Variants in SPIDR observed in about 807,000 individuals in gnomAD.
SPIDR encodes DNA repair-scaffolding protein.
In SPIDR, 93 loss-of-function variants were observed where a neutral mutation model predicts 104.6. That is an observed-to-expected ratio of 0.89 (90% CI 0.75 to 1.06). The LOEUF (loss-of-function observed/expected upper bound fraction) is 1.06, where lower values mean the gene tolerates loss of function less well. Among genes scored for constraint, SPIDR ranks in the 50% least tolerant of loss-of-function variants. SPIDR has a pLI of 0.00. For synonymous variants in SPIDR, 431 were observed against 416.9 expected (o/e 1.03, Z -0.41); for missense variants, 1,154 against 1,111.2 (o/e 1.04, Z -0.55).
rs1451377653 is a variant in SPIDR at position 47,318,811 on chromosome 8, T to G, written c.525+24781T>G. ...TATTCAACATTCTTAAAGACAAGAA[T>G]TTTCAACCCAGAATTTCATATCCAG... is the stretch of plus-strand genomic sequence containing the variant. On this transcript the variant is annotated intron_variant, in intron 5 of 19. Transcript: ENST00000297423. Among the ~76,000 whole-genome samples, 4 of 142,424 alleles carry G rather than the reference T, an allele frequency of 2.8e-5. No homozygotes were observed. In the East Asian group the frequency reaches 8.4e-4, roughly 30 times the overall value. The allele number at this position is 142,424 out of a possible 152,430, so 93.4% of individuals were successfully genotyped here.
intron 5 of SPIDR, among the ~76,000 whole-genome samples, chr8:47,355,195 G>T (rs1554624987): frequency 6.7e-6 from 1 of 150,020 alleles, no homozygotes; most frequent in African/African-American, 2.5e-5. Flanking sequence ...GCCTCAGGTG[G>T]TCCACCCACC....
intron 5 of SPIDR, among the ~76,000 whole-genome samples, chr8:47,334,322 A>G (rs903477710): frequency 5.3e-5 from 8 of 152,310 alleles, no homozygotes; most frequent in African/African-American, 1.9e-4. Context: ...ATATATCTTT[A>G]TGGATTTTCT....
At position 47,402,920 on chromosome 8, in the gene SPIDR, A is replaced by G. The variant is rs369305403; in HGVS notation, c.777-4941A>G. 4.6e-5 allele frequency among the ~76,000 whole-genome samples: 7 copies of G among 152,216 alleles called. No homozygotes were observed. The East Asian group carries it at 1.2e-3, about 25-fold the overall frequency. On this transcript the variant is annotated intron_variant, in intron 6 of 19. Transcript: ENST00000297423. ...AACAAAAAAAGACAATTTTAGACCA[A>G]TATCTCTGATGAACATCAATGCAAA...
At chr8:47,594,394 C>T (rs1244724020) in intron 8 of SPIDR, among the ~76,000 whole-genome samples, 1 of 151,460 alleles carries the variant, frequency 6.6e-6, no homozygotes, top group Non-Finnish European at 1.5e-5. Context: ...AAAGAAAGCT[C>T]CTTGGCCCAC....
At chr8:47,422,090 C>G (rs1427118852) in intron 7 of SPIDR, among the ~76,000 whole-genome samples, 2 of 152,202 alleles carry the variant, frequency 1.3e-5, no homozygotes, top group East Asian at 1.9e-4. Context: ...TGTCCGTTCT[C>G]AGATCTCCAG....
intron 10 of SPIDR, among the ~76,000 whole-genome samples, chr8:47,669,520 G>A (rs540604311): frequency 2.0e-5 from 3 of 152,288 alleles, no homozygotes; most frequent in African/African-American, 7.2e-5. Context: ...CTCGTCTCTA[G>A]GGCAAAAGAA....
At chr8:47,721,433 A>G (rs1016857963) in intron 16 of SPIDR, among the ~76,000 whole-genome samples, 4 of 149,674 alleles carry the variant, frequency 2.7e-5, no homozygotes, top group South Asian at 2.1e-4. Context: ...CCCTTGATCT[A>G]TTTGTTCTTT....
intron 8 of SPIDR, among the ~76,000 whole-genome samples, chr8:47,451,939 C>A (rs1477432490): frequency 6.6e-6 from 1 of 152,122 alleles, no homozygotes; most frequent in Non-Finnish European, 1.5e-5. Context: ...CAATCTGAAC[C>A]AGGATTGTGG....
rs1483700369 is a variant in SPIDR at position 47,312,580 on chromosome 8, T to A, written c.525+18550T>A. Among the ~76,000 whole-genome samples, 3 of 152,320 alleles carry A rather than the reference T, an allele frequency of 2.0e-5. No individual in the cohort carries two copies. The East Asian group carries it at 5.8e-4, about 29-fold the overall frequency. On this transcript the variant is annotated intron_variant, in intron 5 of 19. Coordinates refer to ENST00000297423, the MANE Select transcript of SPIDR (RefSeq NM_001080394.4). Reference sequence around the variant, plus strand: ...TTTGATGGGGTTGTTTGTTTTTTTCTTGTAAATTTGTTTGAGTTCATTGTA... The same window carrying A: ...TTTGATGGGGTTGTTTGTTTTTTTCATGTAAATTTGTTTGAGTTCATTGTA...
chr8:47,692,690 G>A (rs184363937), intron 11 of SPIDR, among the ~76,000 whole-genome samples: 143 of 151,568 alleles, frequency 9.4e-4, no homozygotes, highest in African/African-American at 3.4e-3. Context: ...TCCGGTGACC[G>A]ACCTGCCTCA....
intron 5 of SPIDR, among the ~76,000 whole-genome samples, chr8:47,384,376 A>C (rs1281848843): frequency 1.3e-5 from 2 of 152,234 alleles, no homozygotes; most frequent in Non-Finnish European, 2.9e-5. Context: ...CTTTTGTGTT[A>C]CGTAAGACTG....
chr8:47,650,309 A>G (rs2071382376), intron 10 of SPIDR, among the ~76,000 whole-genome samples: 1 of 152,192 alleles, frequency 6.6e-6, no homozygotes, highest in Non-Finnish European at 1.5e-5. Context: ...ATACACCAAC[A>G]ATGACCAAGC....
intron 1 of SPIDR, among the ~76,000 whole-genome samples, chr8:47,268,598 C>T (rs2034582852): frequency 6.6e-6 from 1 of 152,216 alleles, no homozygotes; most frequent in Admixed American, 6.5e-5. Context: ...TCTACTGGCA[C>T]ATGCTGCTGC....
intron 18 of SPIDR, 28 bp downstream of exon 18, chr8:47,729,075 A>T: frequency 6.2e-7 from 1 of 1,611,186 alleles, no homozygotes; most frequent in Non-Finnish European, 8.5e-7. Flanking sequence ...GCACGCACGC[A>T]CTCCTAGCTC....
intron 8 of SPIDR, among the ~76,000 whole-genome samples, chr8:47,475,864 G>A (rs782380578): frequency 2.0e-5 from 3 of 152,194 alleles, no homozygotes; most frequent in Non-Finnish European, 2.9e-5. Flanking sequence ...AGAGTTGTGG[G>A]AGGTTTGATA....
intron 5 of SPIDR, among the ~76,000 whole-genome samples, chr8:47,324,888 A>C (rs934272467): frequency 2.6e-5 from 4 of 152,140 alleles, no homozygotes; most frequent in African/African-American, 9.7e-5. Context: ...GGACAAGTCC[A>C]GGTGCTGGCA....
intron 5 of SPIDR, among the ~76,000 whole-genome samples, chr8:47,387,033 T>A (rs1446063033): frequency 6.6e-6 from 1 of 152,182 alleles, no homozygotes; most frequent in African/African-American, 2.4e-5. Flanking sequence ...GCTAGGGTGC[T>A]GAAGGCAGAC....
At chr8:47,328,763 A>C (rs1399487367) in intron 5 of SPIDR, among the ~76,000 whole-genome samples, 1 of 151,902 alleles carries the variant, frequency 6.6e-6, no homozygotes, top group East Asian at 1.9e-4. Context: ...GTTATTGTTG[A>C]TATAGTTGCA....
intron 11 of SPIDR, among the ~76,000 whole-genome samples, chr8:47,686,212 GTTC>G (rs1010853936): frequency 1.3e-5 from 2 of 152,126 alleles, no homozygotes; most frequent in Non-Finnish European, 2.9e-5. Flanking sequence ...ATGTTCCATA[GTTC>G]TTCTTTCTTC....
Sources: allele counts gnomAD v4.1 joint callset (sites outside exome capture counted in the v4.1 genomes callset), GRCh38; gene constraint gnomAD v4.1.1; transcripts MANE v1.5; gene names NCBI Gene and HGNC (gene_info 2026-07-23, HGNC 2026-07-21).